The following PCSK5 variants were observed in gnomAD, a reference collection of about 807,000 sequenced individuals.
PCSK5 encodes the protein proprotein convertase subtilisin/kexin type 5.
A neutral mutation model predicts 233.2 loss-of-function variants in PCSK5; 129 were observed. That is an observed-to-expected ratio of 0.55 (90% CI 0.48 to 0.64). PCSK5 has a LOEUF of 0.64. PCSK5 is among the 30% of genes least tolerant of loss of function. The pLI is 0.00. For missense variants in PCSK5, 2,076 were observed against 2,430.1 expected (o/e 0.85, Z 3.06); for synonymous variants, 825 against 879.2 (o/e 0.94, Z 1.09).
intron 12 of PCSK5, among the ~76,000 whole-genome samples, chr9:76,168,776 G>T (rs895689075): frequency 6.6e-6 from 1 of 152,050 alleles, no homozygotes; most frequent in Non-Finnish European, 1.5e-5. Context: ...AGTGAGTTTT[G>T]ACAAATCTGT....
chr9:75,900,566 C>T (rs2131197185), intron 1 of PCSK5, among the ~76,000 whole-genome samples: 1 of 151,228 alleles, frequency 6.6e-6, no homozygotes, highest in South Asian at 2.1e-4. Context: ...GTAGTTGCAG[C>T]TACCCGGGAG....
At chr9:76,298,455 T>A (rs1828508979) in intron 27 of PCSK5, among the ~76,000 whole-genome samples, 1 of 152,210 alleles carries the variant, frequency 6.6e-6, no homozygotes, top group African/African-American at 2.4e-5. Context: ...CCCATTCCCA[T>A]GACCTATGAA....
chr9:76,244,755 T>C (rs1054193062), intron 24 of PCSK5, among the ~76,000 whole-genome samples: 2 of 152,122 alleles, frequency 1.3e-5, no homozygotes, highest in Non-Finnish European at 1.5e-5. Flanking sequence ...ACTAAACTCA[T>C]GACCAAAAAT....
At chr9:76,294,205 A>T (rs904920951) in intron 25 of PCSK5, among the ~76,000 whole-genome samples, 1 of 152,048 alleles carries the variant, frequency 6.6e-6, no homozygotes. Context: ...AAAAAAAAAA[A>T]AAAAAACAGT....
intron 5 of PCSK5, among the ~76,000 whole-genome samples, chr9:76,060,043 A>T (rs1166405854): frequency 2.0e-5 from 3 of 152,206 alleles, no homozygotes; most frequent in African/African-American, 7.2e-5. Context: ...TCACATTTGT[A>T]GAATAAATGC....
At chr9:75,936,530 T>G (rs1276752698) in intron 2 of PCSK5, among the ~76,000 whole-genome samples, 1 of 152,264 alleles carries the variant, frequency 6.6e-6, no homozygotes, top group Non-Finnish European at 1.5e-5. Context: ...TCCCGCTTTC[T>G]TTGCTTAACC....
intron 7 of PCSK5, among the ~76,000 whole-genome samples, chr9:76,078,481 A>G (rs760847110): frequency 1.3e-5 from 2 of 152,184 alleles, no homozygotes; most frequent in Non-Finnish European, 2.9e-5. Context: ...GTCCAGTTTC[A>G]TTCTTCTGTA....
At chr9:75,928,673 G>A (rs1334735908) in intron 1 of PCSK5, among the ~76,000 whole-genome samples, 1 of 140,194 alleles carries the variant, frequency 7.1e-6, no homozygotes, top group African/African-American at 2.6e-5. Flanking sequence ...TTGTTTGGTT[G>A]GGGCAGAGTA....
At chr9:76,098,933 A>C (rs923506627) in intron 8 of PCSK5, among the ~76,000 whole-genome samples, 1 of 152,104 alleles carries the variant, frequency 6.6e-6, no homozygotes, top group Non-Finnish European at 1.5e-5. Context: ...TCTCCCATGG[A>C]TAGACAAATT....
intron 1 of PCSK5, among the ~76,000 whole-genome samples, chr9:75,903,562 A>ATGTGTGTG: frequency 7.3e-6 from 1 of 136,698 alleles, no homozygotes. Context: ...GTGTGTATAT[A>ATGTGTGTG]TGTGTGTGTG....
At chr9:76,230,831 T>A (rs1826057959) in intron 21 of PCSK5, among the ~76,000 whole-genome samples, 1 of 152,010 alleles carries the variant, frequency 6.6e-6, no homozygotes, top group African/African-American at 2.4e-5. Context: ...GATGAGACCA[T>A]CTAGTTGCAG....
intron 29 of PCSK5, among the ~76,000 whole-genome samples, chr9:76,309,146 A>T (rs1301811478): frequency 6.6e-6 from 1 of 152,106 alleles, no homozygotes; most frequent in Non-Finnish European, 1.5e-5. Flanking sequence ...TGGTCCCAGG[A>T]GGTCAAGGCT....
chr9:76,099,797 A>C (rs1230529759), intron 8 of PCSK5, among the ~76,000 whole-genome samples: 6 of 152,132 alleles, frequency 3.9e-5, no homozygotes. Flanking sequence ...CAGGAATGGC[A>C]GTGCCTGTCT....
intron 37 of PCSK5, among the ~76,000 whole-genome samples, chr9:76,356,314 G>A (rs755005314): frequency 1.3e-5 from 2 of 151,982 alleles, no homozygotes; most frequent in East Asian, 3.8e-4. Flanking sequence ...GCAGCAATCT[G>A]CGAAAGTATA....
chr9:76,225,251 T>C (rs897876358), intron 20 of PCSK5, among the ~76,000 whole-genome samples: 6 of 152,228 alleles, frequency 3.9e-5, no homozygotes, highest in African/African-American at 1.2e-4. Flanking sequence ...GAGTAGGGTC[T>C]TTTTAATTTG....
At chr9:76,318,489 A>G (rs1237378442) in intron 30 of PCSK5, among the ~76,000 whole-genome samples, 1 of 152,124 alleles carries the variant, frequency 6.6e-6, no homozygotes, top group Non-Finnish European at 1.5e-5. Flanking sequence ...AAAAAGAAAA[A>G]AAAGAAACCT....
intron 3 of PCSK5, among the ~76,000 whole-genome samples, chr9:75,999,321 A>G (rs2131423071): frequency 6.6e-6 from 1 of 152,190 alleles, no homozygotes; most frequent in South Asian, 2.1e-4. Flanking sequence ...GCGGGGCTAG[A>G]GGAATTAAAG....
intron 3 of PCSK5, among the ~76,000 whole-genome samples, chr9:75,996,152 C>G (rs1053430626): frequency 2.6e-5 from 4 of 152,088 alleles, no homozygotes; most frequent in African/African-American, 9.7e-5. Flanking sequence ...CAAGAAAAAG[C>G]AAACTCGTAT....
At chr9:76,194,513 C>G in intron 20 of PCSK5, 1 of 162,128 alleles carries the variant, frequency 6.2e-6, no homozygotes, top group South Asian at 1.5e-4. Flanking sequence ...CCTTTTAGTT[C>G]TCTTATTTTT....
Sources: gnomAD v4.1 joint callset for allele counts (sites outside exome capture counted in the v4.1 genomes callset) on GRCh38, gnomAD v4.1.1 for gene constraint, MANE v1.5 for transcripts, NCBI Gene and HGNC (gene_info 2026-07-23, HGNC 2026-07-21) for gene names.